Variants in FOXK1 observed in about 807,000 individuals in gnomAD.
The protein encoded by FOXK1 is forkhead box K1.
A neutral mutation model predicts 51.9 loss-of-function variants in FOXK1; 19 were observed. The observed-to-expected ratio is 0.37, with a 90% confidence interval of 0.26 to 0.54. The LOEUF is 0.54. Among genes scored for constraint, FOXK1 ranks in the 20% least tolerant of loss-of-function variants. The pLI, the probability that FOXK1 is intolerant of heterozygous loss-of-function variation, is 0.87. For synonymous variants in FOXK1, 537 were observed against 482.6 expected (o/e 1.11, Z -1.48); for missense variants, 870 against 1,032.7 (o/e 0.84, Z 2.16).
intron 1 of FOXK1, among the ~76,000 whole-genome samples, chr7:4,693,149 AT>A (rs1295093080): frequency 6.6e-6 from 1 of 152,206 alleles, no homozygotes; most frequent in African/African-American, 2.4e-5. Flanking sequence ...TACATTGGCC[AT>A]TGGCAAGAAT....
At chr7:4,754,782 C>T (rs1562390263) in intron 3 of FOXK1, 167 bp downstream of exon 3, 27 of 861,820 alleles carry the variant, frequency 3.1e-5, no homozygotes, top group Admixed American at 1.2e-4. Flanking sequence ...GGCCCTTTCT[C>T]GTTTTCGTGC....
chr7:4,693,955 A>T (rs554459845), intron 1 of FOXK1, among the ~76,000 whole-genome samples: 2 of 152,244 alleles, frequency 1.3e-5, no homozygotes, highest in East Asian at 3.9e-4. Flanking sequence ...ATCACAGCTC[A>T]CTGTAGCCTC....
rs1780810502 is a variant in FOXK1 at position 4,753,961 on chromosome 7, C to A, written c.747-498C>A. The stretch of plus-strand genomic sequence containing the variant: ...GTCTCCAGGAGAGCCACCTGCCACG[C>A]CTTCACCCTGCAGGGCGATGGCACC... On this transcript the variant is annotated intron_variant, in intron 2 of 8. Transcript: ENST00000328914. This position sits in a 1 kb window ranked among gnomAD's most constrained non-coding sequence, Gnocchi z 4.9. Among the ~76,000 whole-genome samples the A allele has an allele frequency of 6.6e-6, 1 of 152,330 alleles. No individual in the cohort carries two copies. The highest frequency in any genetic ancestry group is 2.1e-4 in the South Asian group (1 of 4,826).
intron 2 of FOXK1, among the ~76,000 whole-genome samples, chr7:4,742,665 C>T (rs1483204090): frequency 1.3e-5 from 2 of 152,186 alleles, no homozygotes; most frequent in Admixed American, 1.3e-4. Context: ...GATCCTCCCT[C>T]CTCCACCTCC....
chr7:4,732,064 G>C (rs1326650627), intron 1 of FOXK1, among the ~76,000 whole-genome samples: 1 of 152,142 alleles, frequency 6.6e-6, no homozygotes, highest in African/African-American at 2.4e-5. Flanking sequence ...CTCCCTTGCC[G>C]TGAGCCGCTG....
intron 1 of FOXK1, among the ~76,000 whole-genome samples, chr7:4,685,796 A>G (rs180924211): frequency 2.0e-5 from 3 of 152,004 alleles, no homozygotes; most frequent in Admixed American, 1.3e-4. Context: ...TACAAAAATT[A>G]GCTTGGCGTG....
At chr7:4,740,101 C>G (rs1281767597) in intron 1 of FOXK1, among the ~76,000 whole-genome samples, 2 of 151,880 alleles carry the variant, frequency 1.3e-5, no homozygotes, top group African/African-American at 4.8e-5. Flanking sequence ...TCGAGACCAG[C>G]CTGGCCAACG....
At chr7:4,757,335 CA>C (rs527628477) in intron 5 of FOXK1, 148 bp downstream of exon 5, 111 of 724,224 alleles carry the variant, frequency 1.5e-4, no homozygotes, top group South Asian at 2.6e-4. Flanking sequence ...AAAAATATTC[CA>C]AAAAAAAGAA....
chr7:4,732,810 T>A (rs1474912913), intron 1 of FOXK1, among the ~76,000 whole-genome samples: 3 of 152,202 alleles, frequency 2.0e-5, no homozygotes, highest in African/African-American at 7.2e-5. Context: ...ACTGCTGCCC[T>A]CCTCATCCGG....
At chr7:4,725,017 C>T (rs1162881440) in intron 1 of FOXK1, among the ~76,000 whole-genome samples, 2 of 152,242 alleles carry the variant, frequency 1.3e-5, no homozygotes, top group Non-Finnish European at 2.9e-5. Flanking sequence ...CCCTCCTAAC[C>T]CTGCCTGCTG....
chr7:4,725,659 G>C (rs528332844), intron 1 of FOXK1, among the ~76,000 whole-genome samples: 1 of 152,394 alleles, frequency 6.6e-6, no homozygotes, highest in African/African-American at 2.4e-5. Context: ...CTACTGCTTG[G>C]CAGTGGACAC....
chr7:4,696,456 C>T (rs889378521), intron 1 of FOXK1, among the ~76,000 whole-genome samples: 11 of 152,132 alleles, frequency 7.2e-5, no homozygotes, highest in South Asian at 2.1e-4. Flanking sequence ...GTCGTCTACC[C>T]GTCACACGGT....
At chr7:4,737,551 C>CGTG (rs762298656) in intron 1 of FOXK1, among the ~76,000 whole-genome samples, 3 of 76,444 alleles carry the variant, frequency 3.9e-5, no homozygotes, top group African/African-American at 1.9e-4. Flanking sequence ...TGTGTGCGTG[C>CGTG]CTGTGTGTGT....
At position 4,756,895 on chromosome 7, in the gene FOXK1, C is replaced by T. The variant is rs1313387112; in HGVS notation, c.1051-99C>T. 1 of 1,342,836 alleles carries T rather than the reference C, an allele frequency of 7.4e-7. No individual in the cohort carries two copies. Among genetic ancestry groups the T allele is most frequent in the Non-Finnish European group, 1.0e-6 (1 of 970,650 alleles). 83.2% of individuals were successfully genotyped at this position (1,342,836 alleles called of 1,614,324 possible). On this transcript the variant is annotated intron_variant, in intron 4 of 8. Transcript: ENST00000328914. This position sits in a 1 kb window ranked among gnomAD's most constrained non-coding sequence, Gnocchi z 4.1. ...CAAGGGCTCTGCACAGAGGGACGGC[C>T]TCCCCTCACCCTGGTCCCGCATCTG... is the stretch of plus-strand genomic sequence containing the variant.
In FOXK1 at chr7:4,762,677, T is replaced by G. The variant is rs1780952524; in HGVS notation, c.*213T>G. The G allele has an allele frequency of 3.5e-6, 2 of 575,638 alleles. No homozygotes were observed. The highest frequency in any genetic ancestry group is 3.8e-5 in the African/African-American group (2 of 53,202). 35.7% of individuals were successfully genotyped at this position (575,638 alleles called of 1,614,324 possible). ...CACATAAACAAGTTCAGACAACTGATTGTATGATTCTGGGAATTCTTTGCT... is the reference window on the plus strand; with the variant it reads ...CACATAAACAAGTTCAGACAACTGAGTGTATGATTCTGGGAATTCTTTGCT... On this transcript the variant is annotated 3_prime_UTR_variant, in exon 9 of 9. Coordinates refer to ENST00000328914, the MANE Select transcript of FOXK1 (RefSeq NM_001037165.2). The surrounding 1 kb of genome is among the most constrained non-coding windows in gnomAD (Gnocchi z 5.7).
At chr7:4,737,063 A>C (rs1780561821) in intron 1 of FOXK1, among the ~76,000 whole-genome samples, 1 of 152,060 alleles carries the variant, frequency 6.6e-6, no homozygotes, top group Non-Finnish European at 1.5e-5. Context: ...GTGTGTGTGC[A>C]TGTGCGTGTG....
At position 4,768,757 on chromosome 7, in the gene FOXK1, G is replaced by C. The variant is rs1383981692; in HGVS notation, c.*6293G>C. 1.3e-5 allele frequency: 2 copies of C among 152,320 alleles called. No individual in the cohort carries two copies. The highest frequency in any genetic ancestry group is 4.8e-5 in the African/African-American group (2 of 41,456). The allele number at this position is 152,320 out of a possible 1,614,324, so 9.4% of individuals were successfully genotyped here. ...CACGAGAGAGAGAGGAGCGGGGAGA[G>C]TGGTGAGGAGGATTCGTCTCTGACT... On this transcript the variant is annotated 3_prime_UTR_variant, in exon 9 of 9. Transcript: ENST00000328914.
At position 4,758,581 on chromosome 7, in the gene FOXK1, T is replaced by C. The variant is rs1464845019; in HGVS notation, c.1245-470T>C. The C allele has an allele frequency of 6.3e-6, 1 of 158,486 alleles. No homozygotes were observed. The highest frequency in any genetic ancestry group is 1.4e-5 in the Non-Finnish European group (1 of 72,524). 9.8% of individuals were successfully genotyped at this position (158,486 alleles called of 1,614,324 possible). A position where few individuals can be genotyped will look rare whatever the true frequency, so the allele number is the denominator to read the frequency against. The stretch of plus-strand genomic sequence containing the variant: ...GTGATTCTCAGGTGAACTGGGCGTA[T>C]GGTTGAGGTAGGACTTCAAAAAAGT... On this transcript the variant is annotated intron_variant, in intron 5 of 8. Coordinates refer to ENST00000328914, the MANE Select transcript of FOXK1 (RefSeq NM_001037165.2). The surrounding 1 kb of genome is among the most constrained non-coding windows in gnomAD (Gnocchi z 4.4).
chr7:4,752,767 C>T (rs1208709887), intron 2 of FOXK1, among the ~76,000 whole-genome samples: 1 of 152,172 alleles, frequency 6.6e-6, no homozygotes, highest in Non-Finnish European at 1.5e-5. Context: ...GGTCTGGGAC[C>T]GGGTGCACAG....
Sources: gnomAD v4.1 joint callset for allele counts (sites outside exome capture counted in the v4.1 genomes callset) on GRCh38, gnomAD v4.1.1 for gene constraint, Gnocchi (gnomAD v3.1) non-coding constraint, MANE v1.5 for transcripts, NCBI Gene and HGNC (gene_info 2026-07-23, HGNC 2026-07-21) for gene names.